The following FTO variants were observed in gnomAD, a reference collection of about 807,000 sequenced individuals.
FTO encodes FTO alpha-ketoglutarate dependent dioxygenase, also known as alpha-ketoglutarate-dependent dioxygenase FTO.
Under a neutral mutation model 63.9 loss-of-function variants are expected in FTO, and 47 were observed. The observed-to-expected ratio is 0.74, with a 90% CI of 0.58 to 0.94. FTO has a LOEUF of 0.94. FTO is among the 40% of genes least tolerant of loss of function. The probability of loss-of-function intolerance (pLI) is 0.00; values close to 1 mark genes in which losing one functional copy is unlikely to be tolerated. For synonymous variants in FTO, 207 were observed against 224.4 expected (o/e 0.92, Z 0.69); for missense variants, 562 against 618.1 (o/e 0.91, Z 0.96).
intron 7 of FTO, among the ~76,000 whole-genome samples, chr16:53,907,329 G>C (rs562665538): frequency 6.6e-6 from 1 of 152,286 alleles, no homozygotes; most frequent in East Asian, 1.9e-4. Context: ...TTATAATAAA[G>C]TGTTGGATAT....
intron 8 of FTO, among the ~76,000 whole-genome samples, chr16:54,096,275 T>G (rs2144576383): frequency 6.6e-6 from 1 of 152,242 alleles, no homozygotes; most frequent in East Asian, 1.9e-4. Context: ...GTAGAAAGAG[T>G]GTCATTCATT....
intron 1 of FTO, among the ~76,000 whole-genome samples, chr16:53,738,025 CTT>C (rs35487919): frequency 4.8e-5 from 6 of 125,496 alleles, no homozygotes; most frequent in Admixed American, 8.4e-5. Context: ...ACAATCGTAG[CTT>C]TTTTTTTTTT....
intron 6 of FTO, among the ~76,000 whole-genome samples, chr16:53,885,936 G>T (rs886287437): frequency 2.0e-5 from 3 of 152,068 alleles, no homozygotes; most frequent in African/African-American, 7.2e-5. Context: ...TGTTTATTTT[G>T]TAGAGATGAG....
chr16:53,796,634 CT>C (rs1259652521), intron 1 of FTO, among the ~76,000 whole-genome samples: 1 of 152,116 alleles, frequency 6.6e-6, no homozygotes, highest in African/African-American at 2.4e-5. Context: ...ATAGGCATTA[CT>C]TAAATTGCTT....
At chr16:54,105,848 G>T (rs1277394741) in intron 8 of FTO, among the ~76,000 whole-genome samples, 1 of 150,284 alleles carries the variant, frequency 6.7e-6, no homozygotes, top group Non-Finnish European at 1.5e-5. Context: ...GAATCTTTCA[G>T]CAGAAACCAT....
intron 8 of FTO, among the ~76,000 whole-genome samples, chr16:54,037,305 A>G (rs546874656): frequency 3.3e-5 from 5 of 152,304 alleles, no homozygotes; most frequent in Admixed American, 6.5e-5. Flanking sequence ...CACACATCCA[A>G]TGTATTTCCA....
chr16:54,081,108 G>T (rs1480111634), intron 8 of FTO, among the ~76,000 whole-genome samples: 1 of 151,918 alleles, frequency 6.6e-6, no homozygotes, highest in Non-Finnish European at 1.5e-5. Context: ...ACCTGGAATC[G>T]CATCAATATT....
chr16:53,824,458 A>G (rs2078950036), intron 2 of FTO, among the ~76,000 whole-genome samples: 1 of 152,168 alleles, frequency 6.6e-6, no homozygotes. Context: ...TCCTGTTCTA[A>G]TAAGATTTCC....
intron 2 of FTO, among the ~76,000 whole-genome samples, chr16:53,815,636 G>GTTTTTCTTT (rs1456280699): frequency 2.0e-5 from 2 of 98,178 alleles, no homozygotes; most frequent in African/African-American, 1.1e-4. Context: ...TGACTTTCTT[G>GTTTTTCTTT]TTTTTTTTTT....
chr16:54,055,400 A>G (rs1300732052), intron 8 of FTO, among the ~76,000 whole-genome samples: 2 of 152,216 alleles, frequency 1.3e-5, no homozygotes, highest in Non-Finnish European at 2.9e-5. Flanking sequence ...CTTGATCCAG[A>G]TACTGAGCCT....
chr16:53,822,886 C>T (rs2078904967), intron 2 of FTO, among the ~76,000 whole-genome samples: 2 of 152,172 alleles, frequency 1.3e-5, no homozygotes, highest in South Asian at 4.1e-4. Context: ...TGGTTATTCA[C>T]TCTCTCTGCA....
intron 7 of FTO, among the ~76,000 whole-genome samples, chr16:53,889,435 C>T (rs140731061): frequency 7.3e-4 from 111 of 152,300 alleles, no homozygotes; most frequent in African/African-American, 2.3e-3. Context: ...AGGCTGGCTC[C>T]ACAGCTTATG....
At chr16:53,941,730 C>G (rs965775949) in intron 8 of FTO, among the ~76,000 whole-genome samples, 2 of 152,118 alleles carry the variant, frequency 1.3e-5, no homozygotes, top group Non-Finnish European at 2.9e-5. Flanking sequence ...CACCTGTAGT[C>G]CCAGCTACTT....
At chr16:53,792,831 G>A (rs2077961675) in intron 1 of FTO, among the ~76,000 whole-genome samples, 1 of 152,190 alleles carries the variant, frequency 6.6e-6, no homozygotes, top group Admixed American at 6.5e-5. Context: ...GAAATGTCAA[G>A]GGGTGTATCA....
rs568720563 is a variant in FTO, at chr16:53,842,759, C to T, written c.752-1396C>T. On this transcript the variant is annotated intron_variant, in intron 3 of 8. Transcript: ENST00000471389. ...TGCTATCACAACTCACTGCAGCCTC[C>T]ACCTCCCAGGCTCCAGCAATCCTCC... 1.0e-3 allele frequency among the ~76,000 whole-genome samples: 157 copies of T among 152,270 alleles called. 1 individual carries two copies. The highest frequency in any genetic ancestry group is 3.5e-3 in the African/African-American group (146 of 41,556).
rs116930710 is a variant in FTO, at chr16:53,889,544, C to T, written c.1239+593C>T. The stretch of plus-strand genomic sequence containing the variant: ...TTGAAATCTGGTAATAGATGTGAAA[C>T]GTTAAAAGAAAATCATAGTTCCAGA... On this transcript the variant is annotated intron_variant, in intron 7 of 8. Transcript: ENST00000471389. Among the ~76,000 whole-genome samples, 937 of 152,202 alleles carry T rather than the reference C, an allele frequency of 6.2e-3. 20 individuals are homozygous for T. Among genetic ancestry groups the T allele is most frequent in the Admixed American group, 0.039 (597 of 15,288 alleles).
chr16:53,863,636 A>T (rs894440065), intron 4 of FTO, among the ~76,000 whole-genome samples: 1 of 152,216 alleles, frequency 6.6e-6, no homozygotes, highest in South Asian at 2.1e-4. Flanking sequence ...GTCTGTGAGT[A>T]TCACAGGTTA....
intron 1 of FTO, among the ~76,000 whole-genome samples, chr16:53,726,198 G>A (rs2076150017): frequency 6.6e-6 from 1 of 152,134 alleles, no homozygotes; most frequent in South Asian, 2.1e-4. Context: ...TATAAAACGT[G>A]TCGATGAACT....
chr16:53,796,257 T>G (rs1295187743), intron 1 of FTO, among the ~76,000 whole-genome samples: 1 of 152,130 alleles, frequency 6.6e-6, no homozygotes, highest in Non-Finnish European at 1.5e-5. Context: ...TCGGCCAGGC[T>G]AATCTGGAAC....
Sources: allele counts gnomAD v4.1 joint callset (sites outside exome capture counted in the v4.1 genomes callset), GRCh38; gene constraint gnomAD v4.1.1; transcripts MANE v1.5; gene names NCBI Gene and HGNC (gene_info 2026-07-23, HGNC 2026-07-21).